LMLN: variants seen among roughly 807,000 people sequenced by gnomAD.
The protein encoded by LMLN is leishmanolysin like peptidase, also known as leishmanolysin-like peptidase.
In LMLN, 70 loss-of-function variants were observed where a neutral mutation model predicts 92.3. That is an observed-to-expected ratio of 0.76 (90% confidence interval 0.63 to 0.92). The LOEUF is 0.92. LMLN is among the 40% of genes least tolerant of loss of function. LMLN has a pLI of 0.00. For missense variants in LMLN, 691 were observed against 814.6 expected, an observed-to-expected ratio of 0.85 and a Z score of 1.85; for synonymous variants, 308 against 296.2, an observed-to-expected ratio of 1.04 and a Z score of -0.41.
exon 16 of LMLN, chr3:198,041,875 T>C (rs1723414254): frequency 6.6e-6 from 1 of 152,216 alleles, no homozygotes; most frequent in Admixed American, 6.5e-5. Flanking sequence ...TTAGGTAGTA[T>C]TGTTTCTGAG....
At chr3:197,982,589 T>C (rs1391724039) in intron 6 of LMLN, among the ~76,000 whole-genome samples, 1 of 152,224 alleles carries the variant, frequency 6.6e-6, no homozygotes, top group African/African-American at 2.4e-5. Flanking sequence ...CATTAATTCA[T>C]TTCATGAATA....
At chr3:197,962,679 C>G (rs1720937530) in intron 1 of LMLN, among the ~76,000 whole-genome samples, 1 of 151,958 alleles carries the variant, frequency 6.6e-6, no homozygotes, top group African/African-American at 2.4e-5. Flanking sequence ...TAAAAATATT[C>G]TCCTGTGTTC....
chr3:197,984,107 T>C (rs190225072), intron 7 of LMLN, 59 bp downstream of exon 7: 43 of 1,068,696 alleles, frequency 4.0e-5, no homozygotes, highest in Admixed American at 6.8e-5. Context: ...TAGTATGTTC[T>C]CATTTTTATA....
exon 5 of LMLN, chr3:197,976,601 A>G: frequency 6.4e-7 from 1 of 1,562,134 alleles, no homozygotes; most frequent in South Asian, 1.1e-5. Flanking sequence ...ACTGAAGACA[A>G]TGTGCAACAA....
chr3:197,980,632 A>G lies in LMLN; in HGVS notation c.728+128A>G, dbSNP rs536301808. 8 of 874,616 alleles carry G rather than the reference A, an allele frequency of 9.1e-6. No homozygotes were observed. In the African/African-American group the frequency reaches 1.2e-4, roughly 13 times the overall value. 54.2% of individuals were successfully genotyped at this position (874,616 alleles called of 1,614,324 possible). A position where few individuals can be genotyped will look rare whatever the true frequency, so the allele number is the denominator to read the frequency against. ...ATTGCCTCTGGTAGACAGGAATAGC[A>G]TGCTGCCTGGGTTTGGAGTGGGGTT... is the stretch of plus-strand genomic sequence containing the variant. On this transcript the variant is annotated intron_variant, in intron 6 of 15. Coordinates refer to ENST00000330198, the Ensembl canonical transcript of LMLN.
rs1446704703 is a variant in LMLN, at chr3:198,042,676, A to G, written c.*4009A>G. On this transcript the variant is annotated 3_prime_UTR_variant, in exon 16 of 16. Transcript: ENST00000330198. This position sits in a 1 kb window ranked among gnomAD's most constrained non-coding sequence, Gnocchi z 4.2. ...GTCACTTTCTGACTCAAAAAGGGTC[A>G]AGTACTTATTAAAAACTATCTTGGT... 2 of 152,336 alleles carry G rather than the reference A, an allele frequency of 1.3e-5. No homozygotes were observed. The highest frequency in any genetic ancestry group is 3.9e-4 in the East Asian group (2 of 5,186). The allele number at this position is 152,336 out of a possible 1,614,324, so 9.4% of individuals were successfully genotyped here. A position where few individuals can be genotyped will look rare whatever the true frequency, so the allele number is the denominator to read the frequency against.
chr3:198,006,678 CA>C (rs1722302325), intron 11 of LMLN, among the ~76,000 whole-genome samples: 1 of 151,436 alleles, frequency 6.6e-6, no homozygotes, highest in Non-Finnish European at 1.5e-5. Flanking sequence ...TGTGCTTACT[CA>C]CTGATAATAT....
chr3:197,963,362 A>G (rs1472104229), intron 1 of LMLN, among the ~76,000 whole-genome samples: 1 of 151,954 alleles, frequency 6.6e-6, no homozygotes, highest in African/African-American at 2.4e-5. Flanking sequence ...GCGCCACTAC[A>G]CTTGGCTAAT....
At chr3:198,000,685 C>T (rs1034454480) in intron 11 of LMLN, among the ~76,000 whole-genome samples, 1 of 152,152 alleles carries the variant, frequency 6.6e-6, no homozygotes, top group African/African-American at 2.4e-5. Context: ...ACCTCGGCCT[C>T]CCAAAGTGCT....
intron 8 of LMLN, among the ~76,000 whole-genome samples, chr3:197,990,133 G>A (rs1378301418): frequency 3.9e-5 from 6 of 152,100 alleles, no homozygotes; most frequent in Admixed American, 6.6e-5. Flanking sequence ...CACGAACATG[G>A]CTTACTGCAG....
intron 5 of LMLN, among the ~76,000 whole-genome samples, chr3:197,977,975 ACAAT>A (rs1389159845): frequency 2.0e-5 from 3 of 152,152 alleles, no homozygotes; most frequent in Non-Finnish European, 2.9e-5. Flanking sequence ...AAATTATCAA[ACAAT>A]CTGGAAGTAC....
intron 1 of LMLN, among the ~76,000 whole-genome samples, chr3:197,973,496 C>T (rs1428631079): frequency 6.6e-6 from 1 of 152,110 alleles, no homozygotes; most frequent in Admixed American, 6.6e-5. Flanking sequence ...CCTGCCTCGG[C>T]CTCCCAAAGT....
At chr3:197,980,461 A>C in exon 6 of LMLN, 1 of 1,614,070 alleles carries the variant, frequency 6.2e-7, no homozygotes, top group East Asian at 2.2e-5. Context: ...TGAAAACATC[A>C]TCTCTTATGC....
exon 1 of LMLN, chr3:197,960,272 G>C (rs1255983699): frequency 6.2e-7 from 1 of 1,613,414 alleles, no homozygotes; most frequent in African/African-American, 1.3e-5. Context: ...GCGGAGGAGT[G>C]GGTTACTCGG....
chr3:197,987,158 A>ATT (rs772089146), intron 8 of LMLN, among the ~76,000 whole-genome samples: 26 of 77,612 alleles, frequency 3.4e-4, no homozygotes, highest in East Asian at 7.2e-4. Flanking sequence ...ATATGTTTGA[A>ATT]TTTTTTTTTT....
At chr3:198,015,287 GCCCCC>G (rs1722598580) in intron 11 of LMLN, among the ~76,000 whole-genome samples, 1 of 78,386 alleles carries the variant, frequency 1.3e-5, no homozygotes, top group African/African-American at 5.0e-5. Context: ...ACCCTTCAGA[GCCCCC>G]TAACTAGTCT....
intron 10 of LMLN, among the ~76,000 whole-genome samples, chr3:197,996,864 C>T (rs1722033854): frequency 6.6e-6 from 1 of 152,136 alleles, no homozygotes; most frequent in South Asian, 2.1e-4. Flanking sequence ...ACTACAGCCT[C>T]GAATTCTTTT....
chr3:197,980,754 T>A, intron 6 of LMLN: 2 of 360,730 alleles, frequency 5.5e-6, no homozygotes, highest in Non-Finnish European at 1.0e-5. Flanking sequence ...CTTTTCTGCC[T>A]GCCGTTCCTC....
At chr3:197,975,620 T>A (rs931112617) in intron 3 of LMLN, among the ~76,000 whole-genome samples, 1 of 152,252 alleles carries the variant, frequency 6.6e-6, no homozygotes, top group Non-Finnish European at 1.5e-5. Flanking sequence ...TAACATAAAC[T>A]ATCTTAGTGT....
Sources: gnomAD v4.1 joint callset for allele counts (sites outside exome capture counted in the v4.1 genomes callset) on GRCh38, gnomAD v4.1.1 for gene constraint, Gnocchi (gnomAD v3.1) non-coding constraint, MANE v1.5 for transcripts, NCBI Gene and HGNC (gene_info 2026-07-23, HGNC 2026-07-21) for gene names.